The following MAST4 variants were observed in gnomAD, a reference collection of about 807,000 sequenced individuals.
MAST4 encodes microtubule associated serine/threonine kinase family member 4.
In MAST4, 89 loss-of-function variants were observed where a neutral mutation model predicts 162.7. That is an observed-to-expected ratio of 0.55 (90% CI 0.46 to 0.65). The LOEUF is 0.65. Among genes scored for constraint, MAST4 ranks in the 30% least tolerant of loss-of-function variants. The pLI is 0.00. For synonymous variants in MAST4, 1,479 were observed against 1,361.1 expected, an observed-to-expected ratio of 1.09 and a Z score of -1.91; for missense variants, 3,153 against 3,374.0, an observed-to-expected ratio of 0.93 and a Z score of 1.62.
chr5:66,636,163 A>G (rs1450429435), intron 1 of MAST4, among the ~76,000 whole-genome samples: 1 of 151,862 alleles, frequency 6.6e-6, no homozygotes. Flanking sequence ...TCACCGTGTT[A>G]GCCAGGATGG....
rs374090695 is a variant in MAST4, at chr5:66,696,975, G to A, written c.364-62734G>A. On this transcript the variant is annotated intron_variant, in intron 1 of 28. Coordinates refer to ENST00000403625, the MANE Select transcript of MAST4 (RefSeq NM_001164664.2). ...AGAGTACTTTTAAAAAATATTCTGCGTGATGAAATGGGAAGTATGCATACA... is the reference window on the plus strand; with the variant it reads ...AGAGTACTTTTAAAAAATATTCTGCATGATGAAATGGGAAGTATGCATACA... Among the ~76,000 whole-genome samples the A allele has an allele frequency of 1.1e-3, 175 of 152,214 alleles. 4 individuals are homozygous for A. The South Asian group carries it at 0.034, about 29-fold the overall frequency.
chr5:67,080,110 C>A (rs911466868), intron 5 of MAST4, among the ~76,000 whole-genome samples: 9 of 152,216 alleles, frequency 5.9e-5, no homozygotes, highest in African/African-American at 2.2e-4. Flanking sequence ...TTAAACACAG[C>A]CTTCAGAAAG....
intron 1 of MAST4, among the ~76,000 whole-genome samples, chr5:66,630,791 C>A (rs1264619151): frequency 6.6e-6 from 1 of 152,108 alleles, no homozygotes; most frequent in Non-Finnish European, 1.5e-5. Context: ...AGAAGTGGTT[C>A]CATAGAGTGA....
rs201064828 is a variant in MAST4, at chr5:66,768,895, T to TA, written c.517+9041dup. ...ATCAGTAATATTAATACATTTGCTTTAAAAAAAAGCAGAGAGTTATTGGAT... is the reference window on the plus strand; with the variant it reads ...ATCAGTAATATTAATACATTTGCTTTAAAAAAAAAGCAGAGAGTTATTGGAT... On this transcript the variant is annotated intron_variant, in intron 2 of 28. Coordinates refer to ENST00000403625, the MANE Select transcript of MAST4 (RefSeq NM_001164664.2). Among the ~76,000 whole-genome samples the TA allele has an allele frequency of 1.3e-3, 200 of 152,012 alleles. 1 individual carries two copies. Among genetic ancestry groups the TA allele is most frequent in the African/African-American group, 4.1e-3 (170 of 41,484 alleles).
intron 4 of MAST4, among the ~76,000 whole-genome samples, chr5:67,045,265 G>A (rs915331434): frequency 6.6e-6 from 1 of 152,168 alleles, no homozygotes; most frequent in African/African-American, 2.4e-5. Context: ...TAGGTTGTAA[G>A]CTTCGTGTAC....
intron 5 of MAST4, among the ~76,000 whole-genome samples, chr5:67,055,379 T>A (rs976590207): frequency 1.3e-5 from 2 of 152,206 alleles, no homozygotes; most frequent in Admixed American, 6.5e-5. Context: ...CCTACTTCAC[T>A]GTACTCTTGT....
In MAST4 at chr5:67,097,324, C is replaced by T. The variant is rs1244831189; in HGVS notation, c.912+1649C>T. ...TCTAAATTCTTAAAATGCATTGGCT[C>T]ATTTAATCTTAGCAACATCCCCTAT... On this transcript the variant is annotated intron_variant, in intron 7 of 28. Coordinates refer to ENST00000403625, the MANE Select transcript of MAST4 (RefSeq NM_001164664.2). Among the ~76,000 whole-genome samples, 3 of 152,184 alleles carry T rather than the reference C, an allele frequency of 2.0e-5. No homozygotes were observed. The East Asian group carries it at 5.8e-4, about 29-fold the overall frequency.
intron 1 of MAST4, among the ~76,000 whole-genome samples, chr5:66,746,865 T>C (rs1738993541): frequency 6.6e-6 from 1 of 152,242 alleles, no homozygotes; most frequent in Non-Finnish European, 1.5e-5. Flanking sequence ...GTGTCATTGT[T>C]CCTAAAGTAA....
intron 3 of MAST4, among the ~76,000 whole-genome samples, chr5:66,806,496 C>G (rs1380848645): frequency 6.6e-6 from 1 of 152,182 alleles, no homozygotes; most frequent in Admixed American, 6.5e-5. Flanking sequence ...GAGGGAAAGA[C>G]TGGGAATCCT....
chr5:66,806,700 A>G (rs1386225435), intron 3 of MAST4, among the ~76,000 whole-genome samples: 1 of 152,236 alleles, frequency 6.6e-6, no homozygotes, highest in Non-Finnish European at 1.5e-5. Flanking sequence ...CTGGAGAAAA[A>G]TCATGCATAA....
At chr5:66,616,832 C>T (rs1743725111) in intron 1 of MAST4, among the ~76,000 whole-genome samples, 1 of 152,216 alleles carries the variant, frequency 6.6e-6, no homozygotes, top group Non-Finnish European at 1.5e-5. Flanking sequence ...ATAAGTACTG[C>T]CCCTTTCTTT....
chr5:66,636,353 A>G (rs1745122320), intron 1 of MAST4, among the ~76,000 whole-genome samples: 1 of 152,190 alleles, frequency 6.6e-6, no homozygotes, highest in African/African-American at 2.4e-5. Flanking sequence ...ATGGCAATGT[A>G]ACAAGTATTT....
intron 1 of MAST4, among the ~76,000 whole-genome samples, chr5:66,665,120 G>A (rs78906232): frequency 6.6e-6 from 1 of 152,234 alleles, no homozygotes; most frequent in African/African-American, 2.4e-5. Context: ...AATGGGAGGA[G>A]AACTTGATAT....
intron 1 of MAST4, among the ~76,000 whole-genome samples, chr5:66,726,797 C>T (rs1751550243): frequency 6.6e-6 from 1 of 152,126 alleles, no homozygotes; most frequent in Non-Finnish European, 1.5e-5. Flanking sequence ...ATGAACTGCG[C>T]ATACGAGGGA....
chr5:66,656,297 A>T (rs1746540542), intron 1 of MAST4, among the ~76,000 whole-genome samples: 1 of 152,268 alleles, frequency 6.6e-6, no homozygotes, highest in African/African-American at 2.4e-5. Context: ...TGTTGTCTCC[A>T]CATTATCTTC....
intron 4 of MAST4, among the ~76,000 whole-genome samples, chr5:66,915,266 C>G (rs1486181768): frequency 1.2e-5 from 1 of 83,626 alleles, no homozygotes; most frequent in Non-Finnish European, 2.5e-5. Flanking sequence ...ACTCTTGTCT[C>G]AAAAAAAAAA....
chr5:66,664,390 G>A lies in MAST4; in HGVS notation c.363+67372G>A, dbSNP rs576981099. 6.0e-4 allele frequency among the ~76,000 whole-genome samples: 84 copies of A among 138,950 alleles called. 1 individual carries two copies. Among genetic ancestry groups the A allele is most frequent in the South Asian group, 5.5e-3 (24 of 4,378 alleles). The allele number at this position is 138,950 out of a possible 152,430, so 91.2% of individuals were successfully genotyped here. On this transcript the variant is annotated intron_variant, in intron 1 of 28. Transcript: ENST00000403625. ...ACGGAGGTTGCAGTGAGCTGAGATG[G>A]CACCATTGCACTCCAGCCTGGGCAA...
chr5:66,596,487 C>T lies in MAST4; in HGVS notation c.-169C>T, dbSNP rs1236813147. ...GCCCGGGCGGCTGTGAACTTAGCAG[C>T]GGGCTCCTGCGGCCCCGTCACTGCC... On this transcript the variant is annotated 5_prime_UTR_variant, in exon 1 of 29. Coordinates refer to ENST00000403625, the MANE Select transcript of MAST4 (RefSeq NM_001164664.2). 3 of 802,798 alleles carry T rather than the reference C, an allele frequency of 3.7e-6. No homozygotes were observed. The highest frequency in any genetic ancestry group is 3.4e-6 in the Non-Finnish European group (2 of 591,642). 49.7% of individuals were successfully genotyped at this position (802,798 alleles called of 1,614,324 possible). A position where few individuals can be genotyped will look rare whatever the true frequency, so the allele number is the denominator to read the frequency against.
chr5:67,002,417 G>C (rs1035414096), intron 4 of MAST4, among the ~76,000 whole-genome samples: 1 of 152,176 alleles, frequency 6.6e-6, no homozygotes, highest in Non-Finnish European at 1.5e-5. Context: ...GAGCTGTCAG[G>C]TTCTGAAAAT....
Sources: gnomAD v4.1 joint callset for allele counts (sites outside exome capture counted in the v4.1 genomes callset) on GRCh38, gnomAD v4.1.1 for gene constraint, MANE v1.5 for transcripts, NCBI Gene and HGNC (gene_info 2026-07-23, HGNC 2026-07-21) for gene names.